Variants in RCAN2 observed in about 807,000 individuals in gnomAD.
The protein encoded by RCAN2 is calcipressin-2.
A neutral mutation model predicts 23.6 loss-of-function variants in RCAN2; 9 were observed. That is an observed-to-expected ratio of 0.38 (90% CI 0.23 to 0.67). The LOEUF (loss-of-function observed/expected upper bound fraction) is 0.67, where lower values mean the gene tolerates loss of function less well. Among genes scored for constraint, RCAN2 ranks in the 30% least tolerant of loss-of-function variants. The pLI, the probability that RCAN2 is intolerant of heterozygous loss-of-function variation, is 0.51. For synonymous variants in RCAN2, 109 were observed against 115.7 expected (o/e 0.94, Z 0.37); for missense variants, 273 against 302.3 (o/e 0.90, Z 0.72).
At chr6:46,350,447 T>C (rs116213476) in intron 2 of RCAN2, among the ~76,000 whole-genome samples, 2,208 of 152,276 alleles carry the variant, frequency 0.015, 57 homozygotes, top group African/African-American at 0.049. Flanking sequence ...CAGGTTCTCC[T>C]GGGTCAGGGG....
chr6:46,250,638 A>T (rs1766677306), intron 2 of RCAN2, among the ~76,000 whole-genome samples: 2 of 152,242 alleles, frequency 1.3e-5, no homozygotes, highest in Admixed American at 6.5e-5. Context: ...CAGAGCCAGG[A>T]CCAGGCCAAA....
At chr6:46,399,539 C>A (rs973439790) in intron 2 of RCAN2, among the ~76,000 whole-genome samples, 2 of 151,686 alleles carry the variant, frequency 1.3e-5, no homozygotes, top group Non-Finnish European at 2.9e-5. Flanking sequence ...TGTATTCTTT[C>A]ACAGTGCTGG....
chr6:46,357,778 T>C (rs1193619483), intron 2 of RCAN2, among the ~76,000 whole-genome samples: 2 of 152,196 alleles, frequency 1.3e-5, no homozygotes, highest in Non-Finnish European at 2.9e-5. Context: ...GTACTAACAC[T>C]CTAGCAGGAG....
intron 2 of RCAN2, among the ~76,000 whole-genome samples, chr6:46,333,111 T>C (rs919136837): frequency 6.6e-6 from 1 of 152,250 alleles, no homozygotes; most frequent in African/African-American, 2.4e-5. Context: ...TGTCTTCTTT[T>C]GAGAAGTGTC....
chr6:46,476,416 T>G (rs922413830), intron 1 of RCAN2, among the ~76,000 whole-genome samples: 6 of 152,200 alleles, frequency 3.9e-5, no homozygotes, highest in African/African-American at 1.4e-4. Flanking sequence ...TCAACAGTCA[T>G]CCAATCTATT....
intron 2 of RCAN2, among the ~76,000 whole-genome samples, chr6:46,386,560 A>T (rs1334682707): frequency 6.8e-6 from 1 of 146,006 alleles, no homozygotes; most frequent in Non-Finnish European, 1.5e-5. Flanking sequence ...GTGAGCCGAG[A>T]TCGCGCCACT....
chr6:46,384,845 T>G (rs1765701231), intron 2 of RCAN2, among the ~76,000 whole-genome samples: 1 of 152,160 alleles, frequency 6.6e-6, no homozygotes, highest in African/African-American at 2.4e-5. Context: ...GAAAGGAGTG[T>G]GAGGCAAATG....
At chr6:46,237,550 TA>T (rs1454145771) in intron 4 of RCAN2, among the ~76,000 whole-genome samples, 1 of 152,180 alleles carries the variant, frequency 6.6e-6, no homozygotes, top group Non-Finnish European at 1.5e-5. Flanking sequence ...AATGTTCCAT[TA>T]AGGAGTGTTC....
At chr6:46,324,511 C>A (rs1372129408) in intron 2 of RCAN2, among the ~76,000 whole-genome samples, 2 of 152,152 alleles carry the variant, frequency 1.3e-5, no homozygotes, top group Non-Finnish European at 2.9e-5. Context: ...CCTTTTATTC[C>A]TCCCACCACA....
At chr6:46,225,059 T>G (rs574693423) in intron 4 of RCAN2, among the ~76,000 whole-genome samples, 5 of 152,260 alleles carry the variant, frequency 3.3e-5, no homozygotes, top group African/African-American at 1.2e-4. Context: ...TGTGATAGTT[T>G]GCTGAGAATG....
Position 46,265,505 on chromosome 6 carries a change from C to T in RCAN2, c.226-16609G>A, listed in dbSNP as rs541560061. 1.6e-3 allele frequency among the ~76,000 whole-genome samples: 250 copies of T among 152,216 alleles called. 2 individuals carry two copies. The highest frequency in any genetic ancestry group is 5.7e-3 in the African/African-American group (237 of 41,542). ...CTATAATTAGGATGACTACACAATG[C>T]GTTGTCCAAGCTAGGAGAGGGGTGC... On this transcript the variant is annotated intron_variant, in intron 2 of 4. Transcript: ENST00000371374.
At chr6:46,405,807 G>A (rs1339401932) in intron 2 of RCAN2, among the ~76,000 whole-genome samples, 1 of 152,244 alleles carries the variant, frequency 6.6e-6, no homozygotes, top group South Asian at 2.1e-4. Context: ...TGGGCGCCGT[G>A]GAGCAGGGGG....
intron 2 of RCAN2, among the ~76,000 whole-genome samples, chr6:46,318,884 T>A (rs947914018): frequency 1.3e-5 from 2 of 152,188 alleles, no homozygotes; most frequent in Admixed American, 6.5e-5. Context: ...AAGGTCTAAC[T>A]TGGTAGACAT....
chr6:46,331,931 C>T (rs905271669), intron 2 of RCAN2, among the ~76,000 whole-genome samples: 6 of 152,146 alleles, frequency 3.9e-5, no homozygotes, highest in African/African-American at 1.4e-4. Context: ...GTTGCCTTAT[C>T]CCACACTATA....
intron 1 of RCAN2, among the ~76,000 whole-genome samples, chr6:46,490,764 TTAGTC>T (rs1769116863): frequency 1.8e-5 from 1 of 56,548 alleles, no homozygotes; most frequent in Non-Finnish European, 4.0e-5. Flanking sequence ...CTGCATCCAG[TTAGTC>T]TCTTCTAGAC....
rs186302007 is a variant in RCAN2 at position 46,224,647 on chromosome 6, T to C, written c.572-1346A>G. The stretch of plus-strand genomic sequence containing the variant: ...AGCTAGACCCGATGCAGCCCAGGAA[T>C]CTGCTATTCTCAGTCTAAGTGCCTC... On this transcript the variant is annotated intron_variant, in intron 4 of 4. Transcript: ENST00000371374. Among the ~76,000 whole-genome samples the C allele has an allele frequency of 1.4e-3, 219 of 152,320 alleles. 2 individuals are homozygous for C. The highest frequency in any genetic ancestry group is 5.1e-3 in the African/African-American group (211 of 41,572).
In RCAN2 at chr6:46,489,113, A is replaced by G. The variant is rs535636668; in HGVS notation, c.-3+2060T>C. Among the ~76,000 whole-genome samples the G allele has an allele frequency of 3.3e-5, 5 of 152,302 alleles. No homozygotes were observed. The South Asian group carries it at 1.0e-3, about 32-fold the overall frequency. On this transcript the variant is annotated intron_variant, in intron 1 of 4. Transcript: ENST00000371374. ...CCTCAGAACATGTAGGTGTCCTCTG[A>G]ATGTGACCTTTCTGCCATGTGTGTA...
At chr6:46,367,591 T>C (rs1765211399) in intron 2 of RCAN2, among the ~76,000 whole-genome samples, 2 of 152,194 alleles carry the variant, frequency 1.3e-5, no homozygotes, top group Admixed American at 6.5e-5. Context: ...TGGAGAGTCA[T>C]TCTTTTATTT....
intron 2 of RCAN2, among the ~76,000 whole-genome samples, chr6:46,353,854 C>A (rs572091686): frequency 6.6e-6 from 1 of 152,182 alleles, no homozygotes; most frequent in Non-Finnish European, 1.5e-5. Context: ...ATTATGCATG[C>A]AAGAAGTATC....
Sources: allele counts gnomAD v4.1 joint callset (sites outside exome capture counted in the v4.1 genomes callset), GRCh38; gene constraint gnomAD v4.1.1; transcripts MANE v1.5; gene names NCBI Gene and HGNC (gene_info 2026-07-23, HGNC 2026-07-21).